The following RPH3A variants were observed in gnomAD, a reference collection of about 807,000 sequenced individuals.
RPH3A encodes rabphilin-3A.
Under a neutral mutation model 102.2 loss-of-function variants are expected in RPH3A, and 48 were observed. That is an observed-to-expected ratio of 0.47 (90% CI 0.37 to 0.60). The LOEUF (loss-of-function observed/expected upper bound fraction) is 0.60, where lower values mean the gene tolerates loss of function less well. Among genes scored for constraint, RPH3A ranks in the 20% least tolerant of loss-of-function variants. RPH3A has a pLI of 0.00. For synonymous variants in RPH3A, 310 were observed against 324.3 expected, an observed-to-expected ratio of 0.96 and a Z score of 0.47; for missense variants, 781 against 910.1, an observed-to-expected ratio of 0.86 and a Z score of 1.83.
At chr12:112,688,811 A>G (rs2040286410) in intron 1 of RPH3A, among the ~76,000 whole-genome samples, 1 of 152,206 alleles carries the variant, frequency 6.6e-6, no homozygotes, top group South Asian at 2.1e-4. Flanking sequence ...CACAACTCTT[A>G]TCTCTCCATC....
At chr12:112,648,798 T>C (rs545755295) in intron 1 of RPH3A, among the ~76,000 whole-genome samples, 2 of 150,888 alleles carry the variant, frequency 1.3e-5, no homozygotes, top group African/African-American at 4.9e-5. Context: ...TCATGGTGGT[T>C]GGTTTTTCCT....
At chr12:112,584,800 G>A (rs2039426588) in intron 1 of RPH3A, among the ~76,000 whole-genome samples, 2 of 152,228 alleles carry the variant, frequency 1.3e-5, no homozygotes, top group Non-Finnish European at 2.9e-5. Context: ...AAGTGTGCAC[G>A]TGTGCAGAGG....
intron 1 of RPH3A, among the ~76,000 whole-genome samples, chr12:112,590,789 T>C (rs1566219511): frequency 6.6e-6 from 1 of 152,114 alleles, no homozygotes. Context: ...ACTTAGGTGA[T>C]ACTGAGGAGC....
chr12:112,862,051 G>C (rs2042526768), intron 5 of RPH3A, among the ~76,000 whole-genome samples: 1 of 151,444 alleles, frequency 6.6e-6, no homozygotes, highest in African/African-American at 2.4e-5. Context: ...CCCTGTGGAG[G>C]GCTCACATCT....
At chr12:112,838,001 G>A (rs2042082271) in intron 4 of RPH3A, among the ~76,000 whole-genome samples, 1 of 151,780 alleles carries the variant, frequency 6.6e-6, no homozygotes, top group Admixed American at 6.6e-5. Flanking sequence ...AGTTAGCCAA[G>A]TATAAAGATA....
intron 2 of RPH3A, among the ~76,000 whole-genome samples, chr12:112,812,584 G>A (rs1172715526): frequency 2.0e-5 from 3 of 152,146 alleles, no homozygotes; most frequent in Non-Finnish European, 4.4e-5. Context: ...TGAATCTCAC[G>A]GAGAAGAGTA....
In RPH3A at chr12:112,881,846, G is replaced by A. The variant is rs372562111; in HGVS notation, c.1326G>A (p.Lys442=). The A allele has an allele frequency of 2.5e-6, 4 of 1,611,152 alleles. No homozygotes were observed. Among genetic ancestry groups the A allele is most frequent in the Non-Finnish European group, 3.4e-6 (4 of 1,178,206 alleles). The part of the protein sequence containing the change: ...VKLHLLPGAS[K]SNKLRTKTLR... ...TGCACCTCCTGCCGGGAGCCAGCAA[G>A]GTACCATATGGCCTGGGCTTCTCTG... Residue 442 remains lysine (K), a splice_region_variant and synonymous_variant, in exon 15 of 22, where the codon AAG becomes AAA. Coordinates refer to ENST00000389385, the MANE Select transcript of RPH3A (RefSeq NM_001143854.2).
chr12:112,731,030 A>T (rs2040629949), intron 1 of RPH3A, among the ~76,000 whole-genome samples: 1 of 152,204 alleles, frequency 6.6e-6, no homozygotes, highest in East Asian at 1.9e-4. Context: ...TCCTATAAGA[A>T]AAGAGCTGAG....
Position 112,578,160 on chromosome 12 carries a change from C to T in RPH3A, c.-140+2841C>T, listed in dbSNP as rs147862209. ...ATTTTGTCCCTATGTGGGTGTCAAG[C>T]GGCTAAGAAAATGGGCCCAGCATGA... On this transcript the variant is annotated intron_variant, in intron 1 of 21. Coordinates refer to the RPH3A transcript ENST00000543106. 1.1e-3 allele frequency among the ~76,000 whole-genome samples: 171 copies of T among 152,216 alleles called. 4 individuals are homozygous for T. The highest frequency in any genetic ancestry group is 2.5e-3 in the East Asian group (13 of 5,178).
At chr12:112,798,684 G>A (rs1288360628) in intron 2 of RPH3A, among the ~76,000 whole-genome samples, 1 of 151,986 alleles carries the variant, frequency 6.6e-6, no homozygotes, top group Non-Finnish European at 1.5e-5. Flanking sequence ...GCCTTCCTGT[G>A]TTTTTCCTCT....
At chr12:112,780,797 C>T (rs186024144) in intron 1 of RPH3A, among the ~76,000 whole-genome samples, 60 of 152,278 alleles carry the variant, frequency 3.9e-4, no homozygotes, top group Admixed American at 2.0e-3. Flanking sequence ...AACAAGGAGA[C>T]GCGATTTTGT....
At chr12:112,895,730 T>G (rs1035758415) in intron 20 of RPH3A, 47 bp from the exon 21 acceptor site, 12 of 1,371,132 alleles carry the variant, frequency 8.8e-6, no homozygotes, top group Non-Finnish European at 1.3e-5. Flanking sequence ...CCCAATGCTG[T>G]GGGTTCAGAG....
chr12:112,866,428 A>G (rs1174033222), intron 6 of RPH3A, among the ~76,000 whole-genome samples: 1 of 152,178 alleles, frequency 6.6e-6, no homozygotes, highest in Non-Finnish European at 1.5e-5. Context: ...TAAAGAGGAA[A>G]TAAATTAAGA....
chr12:112,769,814 A>G (rs2040915617), intron 1 of RPH3A, among the ~76,000 whole-genome samples: 1 of 152,224 alleles, frequency 6.6e-6, no homozygotes, highest in Admixed American at 6.5e-5. Context: ...CACACAAGTA[A>G]TACAGAAATA....
At chr12:112,870,108 G>C (rs1248362919) in intron 10 of RPH3A, 69 bp downstream of exon 10, 1 of 1,466,182 alleles carries the variant, frequency 6.8e-7, no homozygotes, top group African/African-American at 1.4e-5. Flanking sequence ...GAGGGGAACT[G>C]TGTTTTTATT....
At chr12:112,684,313 C>T (rs2040247701) in intron 1 of RPH3A, among the ~76,000 whole-genome samples, 1 of 152,172 alleles carries the variant, frequency 6.6e-6, no homozygotes, top group African/African-American at 2.4e-5. Flanking sequence ...CACTGGAGTG[C>T]AGTGGTACAA....
At chr12:112,729,423 C>G (rs1042146596) in intron 1 of RPH3A, among the ~76,000 whole-genome samples, 1 of 152,118 alleles carries the variant, frequency 6.6e-6, no homozygotes, top group Non-Finnish European at 1.5e-5. Context: ...TGGGCTCAAG[C>G]AATCCACCTG....
intron 10 of RPH3A, among the ~76,000 whole-genome samples, chr12:112,872,482 T>C (rs1027325130): frequency 2.0e-5 from 3 of 152,172 alleles, no homozygotes; most frequent in African/African-American, 7.2e-5. Context: ...TACACATTTT[T>C]CTCTTATTTC....
At chr12:112,660,172 A>G (rs2040040006) in intron 1 of RPH3A, among the ~76,000 whole-genome samples, 1 of 152,236 alleles carries the variant, frequency 6.6e-6, no homozygotes, top group South Asian at 2.1e-4. Context: ...AAATATATAC[A>G]TAAATAAATA....
Sources: allele counts gnomAD v4.1 joint callset (sites outside exome capture counted in the v4.1 genomes callset), GRCh38; gene constraint gnomAD v4.1.1; transcripts MANE v1.5; gene names NCBI Gene and HGNC (gene_info 2026-07-23, HGNC 2026-07-21).